OXR1: variants seen among roughly 807,000 people sequenced by gnomAD.
The protein encoded by OXR1 is oxidation resistance protein 1.
A neutral mutation model predicts 104.6 loss-of-function variants in OXR1; 41 were observed. That is an observed-to-expected ratio of 0.39 (90% confidence interval 0.31 to 0.51). OXR1 has a LOEUF of 0.51. OXR1 is among the 20% of genes least tolerant of loss of function. The probability of loss-of-function intolerance (pLI) is 0.77; values close to 1 mark genes in which losing one functional copy is unlikely to be tolerated. For synonymous variants in OXR1, 348 were observed against 348.4 expected (o/e 1.00, Z 0.01); for missense variants, 955 against 1,031.9 (o/e 0.93, Z 1.02).
intron 2 of OXR1, among the ~76,000 whole-genome samples, chr8:106,414,732 G>A (rs908942071): frequency 6.6e-6 from 1 of 152,054 alleles, no homozygotes; most frequent in South Asian, 2.1e-4. Context: ...AAGTAGTTTG[G>A]TTTGGCCAGA....
At chr8:106,555,383 G>A (rs1431097943) in intron 3 of OXR1, among the ~76,000 whole-genome samples, 2 of 152,112 alleles carry the variant, frequency 1.3e-5, no homozygotes, top group Non-Finnish European at 2.9e-5. Flanking sequence ...AGGGAGGATA[G>A]TATTTTAACA....
intron 1 of OXR1, among the ~76,000 whole-genome samples, chr8:106,297,669 A>G (rs563834605): frequency 2.0e-5 from 3 of 152,336 alleles, no homozygotes; most frequent in African/African-American, 7.2e-5. Context: ...AGTTGACTAA[A>G]ATGTCATCAT....
chr8:106,396,301 G>A lies in OXR1; in HGVS notation c.23+36665G>A, dbSNP rs1054804055. On this transcript the variant is annotated intron_variant, in intron 2 of 16. Coordinates refer to ENST00000517566, the MANE Select transcript of OXR1 (RefSeq NM_001198533.2). ...GAGTAACTTTACAGTAGAGAAACCT[G>A]ACACACACCGCCTGAGCCAAGTGAT... Among the ~76,000 whole-genome samples the A allele has an allele frequency of 2.2e-4, 34 of 152,074 alleles. No individual in the cohort carries two copies. The South Asian group carries it at 5.8e-3, about 26-fold the overall frequency.
intron 2 of OXR1, among the ~76,000 whole-genome samples, chr8:106,368,203 AAAT>A (rs1816557320): frequency 6.6e-6 from 1 of 152,198 alleles, no homozygotes; most frequent in African/African-American, 2.4e-5. Flanking sequence ...AAGTTTATGA[AAAT>A]AATTCATATT....
chr8:106,620,171 T>C (rs913180457), intron 3 of OXR1, among the ~76,000 whole-genome samples: 3 of 152,204 alleles, frequency 2.0e-5, no homozygotes, highest in African/African-American at 4.8e-5. Flanking sequence ...GATTGTATTA[T>C]AACTGATTTT....
intron 3 of OXR1, among the ~76,000 whole-genome samples, chr8:106,536,606 C>T (rs1235740745): frequency 1.3e-5 from 2 of 152,094 alleles, no homozygotes; most frequent in Non-Finnish European, 2.9e-5. Context: ...ATCTCGCCAG[C>T]CATTTTATTT....
intron 7 of OXR1, among the ~76,000 whole-genome samples, chr8:106,696,973 A>G (rs1830098612): frequency 6.6e-6 from 1 of 152,106 alleles, no homozygotes; most frequent in Non-Finnish European, 1.5e-5. Context: ...CCTATAAATT[A>G]AGTTCCTGCA....
chr8:106,501,338 G>A (rs1811793710), intron 2 of OXR1, among the ~76,000 whole-genome samples: 1 of 152,202 alleles, frequency 6.6e-6, no homozygotes, highest in Admixed American at 6.5e-5. Flanking sequence ...GAACAGAACA[G>A]AGAGAGGGAG....
chr8:106,725,957 CTT>C (rs1409026046), intron 11 of OXR1: 1 of 315,914 alleles, frequency 3.2e-6, no homozygotes, highest in Non-Finnish European at 5.7e-6. Flanking sequence ...TGTCTTTAAA[CTT>C]TTGAGCCCTT....
chr8:106,525,084 C>G (rs1484190014), intron 3 of OXR1, among the ~76,000 whole-genome samples: 1 of 152,154 alleles, frequency 6.6e-6, no homozygotes, highest in Non-Finnish European at 1.5e-5. Context: ...GTGAGGCACA[C>G]AGTTAAGTGC....
chr8:106,454,489 G>GTA lies in OXR1; in HGVS notation c.24-64445_24-64444dup, dbSNP rs1246927478. 3.7e-3 allele frequency among the ~76,000 whole-genome samples: 562 copies of GTA among 150,364 alleles called. 3 individuals carry two copies. The highest frequency in any genetic ancestry group is 0.013 in the African/African-American group (530 of 41,060). ...AAAAAAAAAAAGAAAAATTATATAT[G>GTA]TATATATATAAAATTTAAAAAGTAA... On this transcript the variant is annotated intron_variant, in intron 2 of 16. Transcript: ENST00000517566.
Position 106,649,842 on chromosome 8 carries a change from A to G in OXR1, c.221-29368A>G, listed in dbSNP as rs552566317. Among the ~76,000 whole-genome samples, 22 of 151,930 alleles carry G rather than the reference A, an allele frequency of 1.4e-4. No individual in the cohort carries two copies. In the South Asian group the frequency reaches 1.9e-3, roughly 13 times the overall value. The stretch of plus-strand genomic sequence containing the variant: ...CTCCCAAATAGCTGGGACTACAGGC[A>G]CCCACCGCCACGCCCAGCTAATTTT... On this transcript the variant is annotated intron_variant, in intron 3 of 16. Transcript: ENST00000517566.
chr8:106,516,264 G>A (rs759676038), intron 2 of OXR1, among the ~76,000 whole-genome samples: 50 of 152,118 alleles, frequency 3.3e-4, no homozygotes, highest in Non-Finnish European at 6.2e-4. Context: ...ATATATAGCA[G>A]TACAAATGCA....
chr8:106,314,220 T>C (rs1478574373), intron 1 of OXR1, among the ~76,000 whole-genome samples: 2 of 152,174 alleles, frequency 1.3e-5, no homozygotes, highest in African/African-American at 4.8e-5. Flanking sequence ...GTCTATGGAA[T>C]AAAATCTGGG....
At chr8:106,361,473 C>A (rs1292074291) in intron 2 of OXR1, among the ~76,000 whole-genome samples, 1 of 152,150 alleles carries the variant, frequency 6.6e-6, no homozygotes, top group Non-Finnish European at 1.5e-5. Flanking sequence ...TGTTTGGCAT[C>A]CTCATTCTCC....
chr8:106,412,319 C>T, intron 2 of OXR1, among the ~76,000 whole-genome samples: 1 of 152,120 alleles, frequency 6.6e-6, no homozygotes, highest in East Asian at 1.9e-4. Flanking sequence ...GCATCCTGTG[C>T]TTCAAATGGT....
At chr8:106,345,675 A>C (rs1242886140) in intron 1 of OXR1, among the ~76,000 whole-genome samples, 1 of 152,216 alleles carries the variant, frequency 6.6e-6, no homozygotes, top group Non-Finnish European at 1.5e-5. Flanking sequence ...TTGGTGCATA[A>C]AATATACAGA....
At chr8:106,434,797 T>C (rs949628342) in intron 2 of OXR1, among the ~76,000 whole-genome samples, 1 of 152,208 alleles carries the variant, frequency 6.6e-6, no homozygotes, top group African/African-American at 2.4e-5. Flanking sequence ...AATTCTGTAA[T>C]TAGTGCCTAC....
rs147820423 is a variant in OXR1, at chr8:106,299,809, G to A, written c.-139+29442G>A. On this transcript the variant is annotated intron_variant, in intron 1 of 16. Coordinates refer to ENST00000517566, the MANE Select transcript of OXR1 (RefSeq NM_001198533.2). ...ACTGTTTCTTAGTGATTTAAGGCCT[G>A]AAGTAAATAGTTAATTTTAGATAAA... is the stretch of plus-strand genomic sequence containing the variant. 3.4e-3 allele frequency among the ~76,000 whole-genome samples: 511 copies of A among 149,200 alleles called. 4 individuals are homozygous for A. Among genetic ancestry groups the A allele is most frequent in the African/African-American group, 0.012 (455 of 39,028 alleles).
Sources: gnomAD v4.1 joint callset for allele counts (sites outside exome capture counted in the v4.1 genomes callset) on GRCh38, gnomAD v4.1.1 for gene constraint, MANE v1.5 for transcripts, NCBI Gene and HGNC (gene_info 2026-07-23, HGNC 2026-07-21) for gene names.